Variants in LDB2 observed in about 807,000 individuals in gnomAD.
The protein encoded by LDB2 is LIM domain binding 2.
In LDB2, 12 loss-of-function variants were observed where a neutral mutation model predicts 44.3. That is an observed-to-expected ratio of 0.27 (90% CI 0.17 to 0.44). The LOEUF (loss-of-function observed/expected upper bound fraction) is 0.44, where lower values mean the gene tolerates loss of function less well. Ranked by LOEUF, LDB2 falls within the 20% of genes least tolerant of loss-of-function variation. The pLI is 1.00. For missense variants in LDB2, 344 were observed against 473.5 expected (o/e 0.73, Z 2.54); for synonymous variants, 164 against 174.8 (o/e 0.94, Z 0.49).
In LDB2 at chr4:16,629,904, A is replaced by C. The variant is rs571326672; in HGVS notation, c.236-34029T>G. On this transcript the variant is annotated intron_variant, in intron 2 of 7. Coordinates refer to ENST00000304523, the MANE Select transcript of LDB2 (RefSeq NM_001290.5). ...GATTAGAGAAAAAGGAGTGAAAAGA[A>C]ACAAACAAAACCTCCAAGAAATATG... 5.9e-5 allele frequency among the ~76,000 whole-genome samples: 9 copies of C among 152,292 alleles called. 1 individual carries two copies. The South Asian group carries it at 1.2e-3, about 21-fold the overall frequency.
intron 2 of LDB2, among the ~76,000 whole-genome samples, chr4:16,756,135 T>G (rs983097205): frequency 5.9e-5 from 9 of 152,148 alleles, no homozygotes; most frequent in Admixed American, 5.9e-4. Flanking sequence ...CTGCCGGGAC[T>G]TTTGTTCCTA....
chr4:16,634,050 G>T (rs1033607342), intron 2 of LDB2, among the ~76,000 whole-genome samples: 42 of 152,244 alleles, frequency 2.8e-4, no homozygotes, highest in African/African-American at 9.9e-4. Flanking sequence ...TGGGAAAACT[G>T]GCTAGCCATA....
In LDB2 at chr4:16,739,710, ATATG is replaced by A. The variant is rs1327853736; in HGVS notation, c.235+19444_235+19447del. ...TATGTATATATACATATATGTGTAT[ATATG>A]TATATATACATATATGTGTATATAC... On this transcript the variant is annotated intron_variant, in intron 2 of 7. Coordinates refer to ENST00000304523, the MANE Select transcript of LDB2 (RefSeq NM_001290.5). Among the ~76,000 whole-genome samples the A allele has an allele frequency of 2.1e-3, 192 of 91,222 alleles. 43 individuals carry two copies. The highest frequency in any genetic ancestry group is 8.8e-3 in the African/African-American group (186 of 21,220). The allele number at this position is 91,222 out of a possible 152,430, so 59.8% of individuals were successfully genotyped here.
chr4:16,643,373 G>A (rs996479442), intron 2 of LDB2, among the ~76,000 whole-genome samples: 1 of 152,066 alleles, frequency 6.6e-6, no homozygotes, highest in African/African-American at 2.4e-5. Context: ...CCATATCAAA[G>A]GATTGATAAT....
intron 2 of LDB2, among the ~76,000 whole-genome samples, chr4:16,696,216 G>A (rs569946623): frequency 2.0e-4 from 30 of 152,234 alleles, no homozygotes; most frequent in African/African-American, 5.8e-4. Context: ...GGGCTGTAGC[G>A]GAACAGTGAG....
chr4:16,634,796 T>C (rs2152500236), intron 2 of LDB2, among the ~76,000 whole-genome samples: 1 of 152,302 alleles, frequency 6.6e-6, no homozygotes, highest in Non-Finnish European at 1.5e-5. Flanking sequence ...ACGGGGCATA[T>C]ACCCAAAGGA....
intron 1 of LDB2, among the ~76,000 whole-genome samples, chr4:16,827,138 T>C (rs1251679644): frequency 5.3e-5 from 8 of 152,052 alleles, no homozygotes. Context: ...AACAACCCCA[T>C]CACCAAGAAA....
intron 2 of LDB2, among the ~76,000 whole-genome samples, chr4:16,721,006 A>C (rs1482243937): frequency 6.6e-6 from 1 of 152,168 alleles, no homozygotes; most frequent in Non-Finnish European, 1.5e-5. Context: ...AAGTTAGAGA[A>C]AAAATTCAGC....
intron 2 of LDB2, among the ~76,000 whole-genome samples, chr4:16,665,263 C>T (rs200168230): frequency 1.2e-5 from 1 of 86,876 alleles, no homozygotes. Context: ...CTTTTTTTTT[C>T]ATTTCTTTTT....
At chr4:16,879,481 T>C (rs942717710) in intron 1 of LDB2, among the ~76,000 whole-genome samples, 2 of 152,230 alleles carry the variant, frequency 1.3e-5, no homozygotes, top group Non-Finnish European at 2.9e-5. Flanking sequence ...ATTCAATCTA[T>C]AGAAGGCTTG....
chr4:16,786,293 T>C (rs1774409420), intron 1 of LDB2, among the ~76,000 whole-genome samples: 2 of 152,218 alleles, frequency 1.3e-5, no homozygotes, highest in African/African-American at 4.8e-5. Flanking sequence ...GCAAATGCTG[T>C]AGTCGGCATC....
At chr4:16,535,362 G>A (rs899605947) in intron 5 of LDB2, among the ~76,000 whole-genome samples, 2 of 152,148 alleles carry the variant, frequency 1.3e-5, no homozygotes. Flanking sequence ...TTTGGTGCCT[G>A]ATTGTTTCTT....
rs140962520 is a variant in LDB2 at position 16,774,286 on chromosome 4, C to T, written c.133-15026G>A. ...CCATCCTGTCCTGCCTTGATCCTAA[C>T]GCCTCTCACACCTTCCAACCTGCAG... On this transcript the variant is annotated intron_variant, in intron 1 of 7. Coordinates refer to ENST00000304523, the MANE Select transcript of LDB2 (RefSeq NM_001290.5). 6.8e-3 allele frequency among the ~76,000 whole-genome samples: 1,041 copies of T among 152,200 alleles called. 5 individuals carry two copies. Among genetic ancestry groups the T allele is most frequent in the Middle Eastern group, 0.024 (7 of 294 alleles).
intron 5 of LDB2, among the ~76,000 whole-genome samples, chr4:16,569,262 TG>T (rs1745572860): frequency 6.6e-6 from 1 of 152,240 alleles, no homozygotes; most frequent in Non-Finnish European, 1.5e-5. Context: ...TCTCCAGAGT[TG>T]ACTTCTGCTC....
intron 1 of LDB2, among the ~76,000 whole-genome samples, chr4:16,829,390 A>G (rs993685379): frequency 3.9e-5 from 6 of 152,226 alleles, no homozygotes. Flanking sequence ...AATAACGAAC[A>G]AAAGAAAGAG....
chr4:16,580,612 G>T (rs1467557837), intron 5 of LDB2, among the ~76,000 whole-genome samples: 1 of 152,204 alleles, frequency 6.6e-6, no homozygotes, highest in Admixed American at 6.5e-5. Context: ...TTAGCTAATT[G>T]ATGTGAAATT....
chr4:16,755,861 A>G (rs928966468), intron 2 of LDB2, among the ~76,000 whole-genome samples: 6 of 152,126 alleles, frequency 3.9e-5, no homozygotes, highest in Admixed American at 3.3e-4. Context: ...TTAGGGATGC[A>G]CAGGCCAATT....
chr4:16,508,161 T>C (rs1454485621), intron 7 of LDB2, among the ~76,000 whole-genome samples: 1 of 152,214 alleles, frequency 6.6e-6, no homozygotes, highest in Non-Finnish European at 1.5e-5. Flanking sequence ...GGAGCTAGTT[T>C]CCAGTGGAGC....
At chr4:16,579,980 C>G (rs780505966) in intron 5 of LDB2, among the ~76,000 whole-genome samples, 1 of 152,070 alleles carries the variant, frequency 6.6e-6, no homozygotes, top group Non-Finnish European at 1.5e-5. Flanking sequence ...AGGCTCCTAC[C>G]CCAGCTGAGA....
Sources: allele counts gnomAD v4.1 joint callset (sites outside exome capture counted in the v4.1 genomes callset), GRCh38; gene constraint gnomAD v4.1.1; transcripts MANE v1.5; gene names NCBI Gene and HGNC (gene_info 2026-07-23, HGNC 2026-07-21).